DOCK8: variants seen among roughly 807,000 people sequenced by gnomAD.
DOCK8 encodes dedicator of cytokinesis 8.
In DOCK8, 141 loss-of-function variants were observed where a neutral mutation model predicts 245.6. The ratio of observed to expected loss-of-function variants is 0.57; its 90% CI spans 0.50 to 0.66. The LOEUF is 0.66. Among genes scored for constraint, DOCK8 ranks in the 30% least tolerant of loss-of-function variants. The pLI, the probability that DOCK8 is intolerant of heterozygous loss-of-function variation, is 0.00. For synonymous variants in DOCK8, 1,168 were observed against 970.2 expected, an observed-to-expected ratio of 1.20 and a Z score of -3.79; for missense variants, 2,965 against 2,603.4, an observed-to-expected ratio of 1.14 and a Z score of -3.02.
chr9:420,175 C>T (rs2056215637), intron 30 of DOCK8: 1 of 592,686 alleles, frequency 1.7e-6, no homozygotes. Flanking sequence ...TCAAATACTG[C>T]CCCAGGTGAG....
chr9:356,252 G>T (rs2052438300), intron 14 of DOCK8, among the ~76,000 whole-genome samples: 1 of 152,124 alleles, frequency 6.6e-6, no homozygotes, highest in Admixed American at 6.5e-5. Context: ...ATTTTGGCTG[G>T]GCGTGGTGGC....
chr9:427,681 T>C (rs1470079990), intron 34 of DOCK8, among the ~76,000 whole-genome samples: 2 of 152,186 alleles, frequency 1.3e-5, no homozygotes, highest in African/African-American at 4.8e-5. Context: ...AGAAGAAATA[T>C]CGTTGAAACA....
intron 41 of DOCK8, 129 bp downstream of exon 41, chr9:441,546 C>G: frequency 2.1e-6 from 3 of 1,422,706 alleles, no homozygotes; most frequent in Non-Finnish European, 2.9e-6. Flanking sequence ...TCTCACCTGT[C>G]AAACAGAAAA....
At chr9:368,211 T>G (rs2053105125) in intron 15 of DOCK8, 76 bp downstream of exon 15, 5 of 1,225,448 alleles carry the variant, frequency 4.1e-6, no homozygotes, top group Non-Finnish European at 6.1e-6. Context: ...AGTCCGGGAC[T>G]CATCAGTGTA....
intron 28 of DOCK8, among the ~76,000 whole-genome samples, chr9:412,394 G>C (rs1182766238): frequency 8.3e-6 from 1 of 120,940 alleles, no homozygotes; most frequent in Non-Finnish European, 1.6e-5. Flanking sequence ...CACAGAGTAA[G>C]ACCCTGTCTC....
chr9:248,699 C>G (rs1347845904), intron 1 of DOCK8, among the ~76,000 whole-genome samples: 1 of 152,136 alleles, frequency 6.6e-6, no homozygotes, highest in African/African-American at 2.4e-5. Flanking sequence ...CCTTTAGATT[C>G]TCCACCTTCC....
At chr9:334,851 G>C (rs2051234721) in intron 11 of DOCK8, among the ~76,000 whole-genome samples, 1 of 152,174 alleles carries the variant, frequency 6.6e-6, no homozygotes, top group Non-Finnish European at 1.5e-5. Flanking sequence ...GGAGGCCGAG[G>C]TAGGCGGATC....
intron 14 of DOCK8, 145 bp from the exon 15 acceptor site, chr9:367,873 C>G: frequency 1.5e-6 from 1 of 682,442 alleles, no homozygotes; most frequent in Non-Finnish European, 2.6e-6. Flanking sequence ...AAGTAATTCA[C>G]TCCCCCCAAT....
chr9:309,937 C>G (rs2050022046), intron 5 of DOCK8, among the ~76,000 whole-genome samples: 1 of 152,098 alleles, frequency 6.6e-6, no homozygotes, highest in Non-Finnish European at 1.5e-5. Flanking sequence ...AATTAATGAG[C>G]CAGGGTTTCA....
At chr9:336,460 C>A (rs2051316192) in intron 11 of DOCK8, 122 bp from the exon 12 acceptor site, 2 of 1,339,978 alleles carry the variant, frequency 1.5e-6, no homozygotes, top group East Asian at 2.3e-5. Context: ...TCATTCAAAA[C>A]AAGGATGGCC....
At chr9:227,562 C>G (rs2047016296) in intron 1 of DOCK8, among the ~76,000 whole-genome samples, 1 of 152,120 alleles carries the variant, frequency 6.6e-6, no homozygotes, top group Non-Finnish European at 1.5e-5. Flanking sequence ...CTCTGAAGGC[C>G]TTTGTTTTTG....
chr9:373,710 C>G (rs543790459), intron 18 of DOCK8, among the ~76,000 whole-genome samples: 27 of 152,190 alleles, frequency 1.8e-4, no homozygotes, highest in African/African-American at 6.3e-4. Flanking sequence ...TTCTTTTTTC[C>G]TTAAAGAGAG....
At chr9:287,998 A>T (rs1270563842) in intron 3 of DOCK8, among the ~76,000 whole-genome samples, 1 of 151,932 alleles carries the variant, frequency 6.6e-6, no homozygotes, top group Non-Finnish European at 1.5e-5. Flanking sequence ...AAATAGTGAG[A>T]CCCTGTTTCT....
At chr9:304,729 T>TA in intron 5 of DOCK8, 25 bp downstream of exon 5, 1 of 1,614,062 alleles carries the variant, frequency 6.2e-7, no homozygotes, top group African/African-American at 1.3e-5. Flanking sequence ...CAAACATGGT[T>TA]ACCAGGTTAC....
chr9:438,017 G>C (rs775146025), intron 39 of DOCK8, among the ~76,000 whole-genome samples: 2 of 152,236 alleles, frequency 1.3e-5, no homozygotes, highest in African/African-American at 4.8e-5. Context: ...TGGATCTTCT[G>C]TTGTCACAGA....
chr9:309,301 T>G (rs1586663467), intron 5 of DOCK8, among the ~76,000 whole-genome samples: 1 of 152,218 alleles, frequency 6.6e-6, no homozygotes, highest in South Asian at 2.1e-4. Flanking sequence ...AGTGTTAATA[T>G]TGATTATTTC....
chr9:432,713 G>T (rs1412620940), intron 37 of DOCK8, among the ~76,000 whole-genome samples: 2 of 152,172 alleles, frequency 1.3e-5, no homozygotes, highest in African/African-American at 4.8e-5. Flanking sequence ...AAAGGCTGGG[G>T]TAGGATTCCG....
At chr9:441,615 A>C (rs558199086) in intron 41 of DOCK8, among the ~76,000 whole-genome samples, 198 bp downstream of exon 41, 2 of 152,352 alleles carry the variant, frequency 1.3e-5, no homozygotes, top group Admixed American at 1.3e-4. Flanking sequence ...TACAGCTTAA[A>C]TTACTTTATA....
intron 14 of DOCK8, among the ~76,000 whole-genome samples, chr9:344,622 CA>C (rs1384206617): frequency 6.6e-6 from 1 of 152,132 alleles, no homozygotes; most frequent in Non-Finnish European, 1.5e-5. Flanking sequence ...CCCCATATCT[CA>C]AAAAACCTGG....
Sources: gnomAD v4.1 joint callset for allele counts (sites outside exome capture counted in the v4.1 genomes callset) on GRCh38, gnomAD v4.1.1 for gene constraint, MANE v1.5 for transcripts, NCBI Gene and HGNC (gene_info 2026-07-23, HGNC 2026-07-21) for gene names.